The following HEXIM2 variants were observed in gnomAD, a reference collection of about 807,000 sequenced individuals.
The protein encoded by HEXIM2 is protein HEXIM2.
For missense variants in HEXIM2, 413 were observed against 390.8 expected (o/e 1.06, Z -0.48); for synonymous variants, 159 against 162.7 (o/e 0.98, Z 0.17).
rs1309661518 is a variant in HEXIM2 at position 45,169,622 on chromosome 17, C to T, written c.674C>T (p.Ser225Leu). 6.5e-7 allele frequency: 1 copy of T among 1,536,558 alleles called. No individual in the cohort carries two copies. Among genetic ancestry groups the T allele is most frequent in the Non-Finnish European group, 8.8e-7 (1 of 1,139,724 alleles). ...TACCTGGAGCTGGAGAAGCGGCTGT[C>T]GCAGGCGGAGGAGGAGACTAGGAGG... ...RDYLELEKRL[S>L]QAEEETRRLQ... is the part of the protein sequence containing the mutation. The change falls in exon 4 of 4, where the codon TCG becomes TTG. Residue 225 changes from serine to leucine, a missense_variant. Coordinates refer to ENST00000589230, the MANE Select transcript of HEXIM2 (RefSeq NM_001303441.2).
chr17:45,164,329 T>G (rs2042782067), intron 3 of HEXIM2, among the ~76,000 whole-genome samples: 1 of 151,660 alleles, frequency 6.6e-6, no homozygotes. Context: ...GTGGCACATT[T>G]CTATAATCCC....
chr17:45,167,335 A>C (rs557644245), intron 3 of HEXIM2, among the ~76,000 whole-genome samples: 22 of 152,176 alleles, frequency 1.4e-4, no homozygotes, highest in African/African-American at 3.9e-4. Context: ...CACACACAAA[A>C]AAAAAGATGA....
chr17:45,169,495 C>G lies in HEXIM2; in HGVS notation c.547C>G (p.Arg183Gly), dbSNP rs759010472. 6.2e-7 allele frequency: 1 copy of G among 1,611,904 alleles called. No homozygotes were observed. Among genetic ancestry groups the G allele is most frequent in the Non-Finnish European group, 8.5e-7 (1 of 1,179,148 alleles). The change falls in exon 4 of 4, where the codon CGA becomes GGA. Residue 183 changes from arginine (R) to glycine (G), a missense_variant. Arg to Gly is a moderately radical substitution (Grantham distance 125). Coordinates refer to ENST00000589230, the MANE Select transcript of HEXIM2 (RefSeq NM_001303441.2). ...SEAGDSDGRG[R>G]AHGEFQRKDF... Reference sequence around the variant, plus strand: ...GGCCGGGGACAGTGATGGGCGGGGCCGAGCGCACGGTGAGTTCCAGCGGAA... The same window carrying G: ...GGCCGGGGACAGTGATGGGCGGGGCGGAGCGCACGGTGAGTTCCAGCGGAA...
chr17:45,169,138 G>T lies in HEXIM2; in HGVS notation c.190G>T (p.Gly64Cys), dbSNP rs564827087. Residue 64 changes from glycine to cysteine, a missense_variant, in exon 4 of 4, where the codon GGC becomes TGC. By Grantham distance (159) the Gly-to-Cys change is radical. Coordinates refer to ENST00000589230, the MANE Select transcript of HEXIM2 (RefSeq NM_001303441.2). ...EDEDLAGAVG[G>C]LGWNSRSPRT... ...TGAAGATCTTGCTGGGGCTGTCGGT[G>T]GCCTGGGCTGGAACAGTAGGAGTCC... 6.2e-7 allele frequency: 1 copy of T among 1,613,940 alleles called. No individual in the cohort carries two copies. The highest frequency in any genetic ancestry group is 8.5e-7 in the Non-Finnish European group (1 of 1,180,034).
intron 3 of HEXIM2, among the ~76,000 whole-genome samples, chr17:45,165,464 C>T (rs979768029): frequency 6.6e-6 from 1 of 152,166 alleles, no homozygotes; most frequent in African/African-American, 2.4e-5. Flanking sequence ...AACAACATAC[C>T]AGTGGTAGTG....
chr17:45,160,927 G>A (rs1358805264), upstream of HEXIM2: 3 of 1,289,762 alleles, frequency 2.3e-6, no homozygotes, highest in Middle Eastern at 2.1e-4. Context: ...GCGAGATGGC[G>A]CTTTGGTGTA....
chr17:45,162,075 T>G, intron 1 of HEXIM2, 44 bp downstream of exon 1: 2 of 923,454 alleles, frequency 2.2e-6, no homozygotes, highest in South Asian at 9.9e-5. Flanking sequence ...ACTGTCTCCC[T>G]TCTTCCAAGA....
intron 3 of HEXIM2, among the ~76,000 whole-genome samples, chr17:45,165,292 C>T (rs1598136863): frequency 1.3e-5 from 2 of 152,150 alleles, no homozygotes; most frequent in South Asian, 4.1e-4. Context: ...CACATACACA[C>T]CCTGACATAC....
chr17:45,165,385 A>AT (rs1287188761), intron 3 of HEXIM2, among the ~76,000 whole-genome samples: 2 of 152,074 alleles, frequency 1.3e-5, no homozygotes, highest in Non-Finnish European at 2.9e-5. Context: ...CATACACCAC[A>AT]TTCCTCAGTA....
upstream of HEXIM2, chr17:45,161,257 C>G (rs1380216807): frequency 1.1e-5 from 4 of 351,210 alleles, no homozygotes; most frequent in Non-Finnish European, 2.3e-5. Flanking sequence ...CGGTAATTAC[C>G]GAAGAACCCC....
rs1567932777 is a variant in HEXIM2, at chr17:45,169,210, CG to C, written c.264del (p.Lys89ArgfsTer20). ...CTGCTCAGCGGAGGCTGTGCTGGCC[CG>C]GAAGAAACACCGTCGGCGGCCATCG... ...GGCSAEAVLA[R>X]KKHRRRPSKR... On this transcript the variant is annotated frameshift_variant, in exon 4 of 4. Coordinates refer to ENST00000589230, the MANE Select transcript of HEXIM2 (RefSeq NM_001303441.2). LOFTEE classifies it low-confidence loss of function (END_TRUNC). 6.2e-7 allele frequency: 1 copy of C among 1,613,560 alleles called. No individual in the cohort carries two copies. Among genetic ancestry groups the C allele is most frequent in the East Asian group, 2.2e-5 (1 of 44,872 alleles).
chr17:45,161,240 A>C (rs555865185), upstream of HEXIM2: 219 of 351,448 alleles, frequency 6.2e-4, no homozygotes, highest in Admixed American at 1.9e-3. Flanking sequence ...GGGTCTCGGG[A>C]AACACGCGGT....
At chr17:45,161,144 G>A (rs2042671634), upstream of HEXIM2, 2 of 391,608 alleles carry the variant, frequency 5.1e-6, no homozygotes, top group South Asian at 1.9e-5. Context: ...GGGTGGGGAG[G>A]GAAGCTGGCA....
rs1567931944 is a variant in HEXIM2 at position 45,169,027 on chromosome 17, C to G, written c.79C>G (p.Pro27Ala). 1.9e-6 allele frequency: 3 copies of G among 1,609,950 alleles called. No individual in the cohort carries two copies. Among genetic ancestry groups the G allele is most frequent in the Non-Finnish European group, 2.5e-6 (3 of 1,177,600 alleles). Residue 27 changes from proline to alanine, a missense_variant, in exon 4 of 4, where the codon CCG (proline) becomes GCG (alanine). Pro to Ala is a conservative substitution (Grantham distance 27, BLOSUM62 -1). Coordinates refer to ENST00000589230, the MANE Select transcript of HEXIM2 (RefSeq NM_001303441.2). ...ALEEAKTSGA[P>A]GSPQTPPERH... The stretch of plus-strand genomic sequence containing the variant: ...TCCCTCTCTTTAGACCTCTGGTGCC[C>G]CGGGGAGCCCCCAAACACCCCCTGA...
At position 45,161,886 on chromosome 17, in the gene HEXIM2, C is replaced by G. The variant is rs936495071; in HGVS notation, c.-338C>G. 4 of 985,612 alleles carry G rather than the reference C, an allele frequency of 4.1e-6. No homozygotes were observed. Among genetic ancestry groups the G allele is most frequent in the Non-Finnish European group, 2.4e-6 (2 of 830,196 alleles). 61.1% of individuals were successfully genotyped at this position (985,612 alleles called of 1,614,324 possible). A position where few individuals can be genotyped will look rare whatever the true frequency, so the allele number is the denominator to read the frequency against. On this transcript the variant is annotated 5_prime_UTR_variant, in exon 1 of 4. Coordinates refer to ENST00000589230, the MANE Select transcript of HEXIM2 (RefSeq NM_001303441.2). ...CGCGCGTCCAGGCTCTCTCTTCCCC[C>G]CCATCTTAGTGGCCTGAGCGGCTTG...
At chr17:45,160,992 G>A (rs1314401928), upstream of HEXIM2, 22 of 1,280,566 alleles carry the variant, frequency 1.7e-5, no homozygotes, top group East Asian at 1.1e-4. Flanking sequence ...CCAGCTGACT[G>A]CCACGCCGAC....
intron 3 of HEXIM2, among the ~76,000 whole-genome samples, chr17:45,165,961 A>AT (rs1474565774): frequency 6.6e-6 from 1 of 150,598 alleles, no homozygotes; most frequent in Non-Finnish European, 1.5e-5. Context: ...CACCCGGCCA[A>AT]TTTTTTTGTA....
At chr17:45,160,894 C>T (rs1469258476), upstream of HEXIM2, 17 of 1,289,438 alleles carry the variant, frequency 1.3e-5, no homozygotes, top group Non-Finnish European at 1.4e-5. Context: ...TTAAGAGGGT[C>T]GTGGTTTTTC....
rs1161327817 is a variant in HEXIM2, at chr17:45,169,811, G to T, written c.*2G>T. 5 of 1,434,656 alleles carry T rather than the reference G, an allele frequency of 3.5e-6. No individual in the cohort carries two copies. The highest frequency in any genetic ancestry group is 4.6e-6 in the Non-Finnish European group (5 of 1,096,514). 88.9% of individuals were successfully genotyped at this position (1,434,656 alleles called of 1,614,324 possible). A position where few individuals can be genotyped will look rare whatever the true frequency, so the allele number is the denominator to read the frequency against. On this transcript the variant is annotated 3_prime_UTR_variant, in exon 4 of 4. Coordinates refer to ENST00000589230, the MANE Select transcript of HEXIM2 (RefSeq NM_001303441.2). ...TGTGATGAGGAGCCGGGTACCTAGG[G>T]GTGCCTCCCAGCCTGGTGGACCCAA...
Sources: allele counts gnomAD v4.1 joint callset (sites outside exome capture counted in the v4.1 genomes callset), GRCh38; gene constraint gnomAD v4.1.1; transcripts MANE v1.5; gene names NCBI Gene and HGNC (gene_info 2026-07-23, HGNC 2026-07-21).